Variants in ITGA9 observed in about 807,000 individuals in gnomAD.
The protein encoded by ITGA9 is integrin subunit alpha 9, also known as integrin alpha-9.
Under a neutral mutation model 127.8 loss-of-function variants are expected in ITGA9, and 56 were observed. That is an observed-to-expected ratio of 0.44 (90% CI 0.35 to 0.55). ITGA9 has a LOEUF of 0.55. Ranked by LOEUF, ITGA9 falls within the 20% of genes least tolerant of loss-of-function variation. ITGA9 has a pLI of 0.00. For synonymous variants in ITGA9, 508 were observed against 514.5 expected (o/e 0.99, Z 0.17); for missense variants, 1,196 against 1,347.1 (o/e 0.89, Z 1.76).
At chr3:37,648,715 G>T (rs1355122279) in intron 16 of ITGA9, among the ~76,000 whole-genome samples, 1 of 151,912 alleles carries the variant, frequency 6.6e-6, no homozygotes, top group East Asian at 1.9e-4. Context: ...GAAATGAAAG[G>T]ACACTAAATA....
intron 25 of ITGA9, among the ~76,000 whole-genome samples, chr3:37,782,618 G>A (rs1285551202): frequency 1.3e-5 from 2 of 152,232 alleles, no homozygotes; most frequent in Non-Finnish European, 2.9e-5. Flanking sequence ...TGCTCCCAGA[G>A]CTTCAGTTGC....
At chr3:37,499,949 T>C (rs1233304196) in intron 5 of ITGA9, among the ~76,000 whole-genome samples, 2 of 152,196 alleles carry the variant, frequency 1.3e-5, no homozygotes, top group Admixed American at 1.3e-4. Context: ...CTGCCCCCAA[T>C]GTTCCGAAGA....
intron 19 of ITGA9, among the ~76,000 whole-genome samples, chr3:37,736,423 T>C (rs1338239082): frequency 2.6e-5 from 4 of 152,252 alleles, no homozygotes; most frequent in Non-Finnish European, 5.9e-5. Flanking sequence ...GAGTTCAGCA[T>C]TGCTCTGTTT....
chr3:37,662,164 G>A (rs1700542666), intron 17 of ITGA9, among the ~76,000 whole-genome samples: 1 of 152,110 alleles, frequency 6.6e-6, no homozygotes, highest in South Asian at 2.1e-4. Context: ...CACTTTGGGC[G>A]GCTGAGGCAG....
intron 15 of ITGA9, among the ~76,000 whole-genome samples, chr3:37,600,855 A>G (rs922209312): frequency 2.0e-5 from 3 of 152,228 alleles, no homozygotes; most frequent in Non-Finnish European, 4.4e-5. Context: ...GTGTGCACAT[A>G]TACACATTCC....
At chr3:37,619,032 A>G (rs1268612503) in intron 15 of ITGA9, among the ~76,000 whole-genome samples, 1 of 152,190 alleles carries the variant, frequency 6.6e-6, no homozygotes, top group African/African-American at 2.4e-5. Flanking sequence ...AAATGCAGAA[A>G]TCGCCCGTCT....
At chr3:37,460,340 T>A (rs1698302978) in intron 1 of ITGA9, among the ~76,000 whole-genome samples, 1 of 152,152 alleles carries the variant, frequency 6.6e-6, no homozygotes, top group South Asian at 2.1e-4. Flanking sequence ...TACAAAAAAT[T>A]AGAAAGAATG....
At chr3:37,788,138 T>C (rs1697063614) in intron 26 of ITGA9, among the ~76,000 whole-genome samples, 2 of 152,230 alleles carry the variant, frequency 1.3e-5, no homozygotes, top group South Asian at 2.1e-4. Flanking sequence ...TTACTACAAA[T>C]GCCTCATTCT....
chr3:37,808,707 G>A (rs1697329908), intron 27 of ITGA9: 1 of 152,172 alleles, frequency 6.6e-6, no homozygotes, highest in South Asian at 2.1e-4. Context: ...CATTTACCTG[G>A]TGGCTAAGCT....
chr3:37,813,986 ATTTG>A (rs566071316), intron 27 of ITGA9, among the ~76,000 whole-genome samples: 14 of 152,312 alleles, frequency 9.2e-5, no homozygotes, highest in Non-Finnish European at 1.3e-4. Flanking sequence ...ATTCTGTTTT[ATTTG>A]TTTCTTTCAA....
chr3:37,582,064 G>A (rs1456378199), intron 15 of ITGA9, among the ~76,000 whole-genome samples: 1 of 152,142 alleles, frequency 6.6e-6, no homozygotes, highest in African/African-American at 2.4e-5. Flanking sequence ...AGCAATTAGA[G>A]GCAGGCAGCC....
At chr3:37,640,550 G>A (rs370128826) in intron 16 of ITGA9, among the ~76,000 whole-genome samples, 3 of 152,070 alleles carry the variant, frequency 2.0e-5, no homozygotes, top group Admixed American at 6.5e-5. Context: ...CCTTGATTTC[G>A]GCCTGTAGAA....
chr3:37,580,700 G>A (rs558344477), intron 15 of ITGA9, among the ~76,000 whole-genome samples: 1 of 152,100 alleles, frequency 6.6e-6, no homozygotes, highest in East Asian at 1.9e-4. Context: ...TATCCTGGAT[G>A]TGCTCCTGTA....
intron 18 of ITGA9, among the ~76,000 whole-genome samples, chr3:37,694,801 C>T (rs1234107469): frequency 6.6e-6 from 1 of 152,138 alleles, no homozygotes; most frequent in African/African-American, 2.4e-5. Flanking sequence ...TAAAGCAGCA[C>T]AGCATCTCTT....
chr3:37,660,725 A>T (rs1427137764), intron 17 of ITGA9, among the ~76,000 whole-genome samples: 1 of 152,230 alleles, frequency 6.6e-6, no homozygotes, highest in East Asian at 1.9e-4. Context: ...TATGAACAGC[A>T]ATCACTGATT....
intron 23 of ITGA9, 78 bp from the exon 24 acceptor site, chr3:37,777,314 G>C (rs2276003): frequency 0.2 from 305,365 of 1,519,976 alleles, 33,448 homozygotes; most frequent in African/African-American, 0.37. Context: ...TACCACTCCT[G>C]CCTCTACAAT....
intron 26 of ITGA9, chr3:37,790,310 G>A (rs1267706263): frequency 3.7e-6 from 2 of 535,532 alleles, no homozygotes; most frequent in African/African-American, 1.9e-5. Flanking sequence ...TCTGGATAGA[G>A]ACTAATCTGC....
intron 18 of ITGA9, among the ~76,000 whole-genome samples, chr3:37,722,574 C>G (rs945518250): frequency 1.3e-5 from 2 of 152,308 alleles, no homozygotes; most frequent in South Asian, 2.1e-4. Flanking sequence ...TGAAATGGAG[C>G]CAGTCCTTTG....
chr3:37,555,334 G>A (rs1332503096), intron 15 of ITGA9, among the ~76,000 whole-genome samples: 3 of 150,282 alleles, frequency 2.0e-5, no homozygotes, highest in Non-Finnish European at 4.4e-5. Flanking sequence ...TTTCTGTGAT[G>A]AAGGAAATGT....
Sources: allele counts gnomAD v4.1 joint callset (sites outside exome capture counted in the v4.1 genomes callset), GRCh38; gene constraint gnomAD v4.1.1; transcripts MANE v1.5; gene names NCBI Gene and HGNC (gene_info 2026-07-23, HGNC 2026-07-21).